Variants in CREB5 observed in about 807,000 individuals in gnomAD.
CREB5 encodes the protein cAMP responsive element binding protein 5.
Under a neutral mutation model 57.1 loss-of-function variants are expected in CREB5, and 19 were observed. The ratio of observed to expected loss-of-function variants is 0.33; its 90% confidence interval spans 0.23 to 0.49. The LOEUF (loss-of-function observed/expected upper bound fraction) is 0.49, where lower values mean the gene tolerates loss of function less well. Among genes scored for constraint, CREB5 ranks in the 20% least tolerant of loss-of-function variants. CREB5 has a pLI of 0.99. For missense variants in CREB5, 579 were observed against 671.6 expected, an observed-to-expected ratio of 0.86 and a Z score of 1.52; for synonymous variants, 238 against 238.3, an observed-to-expected ratio of 1.00 and a Z score of 0.01.
chr7:28,347,818 G>A (rs1313708987), intron 1 of CREB5, among the ~76,000 whole-genome samples: 3 of 152,152 alleles, frequency 2.0e-5, no homozygotes, highest in Admixed American at 6.5e-5. Context: ...TTTAAAAAAC[G>A]TGGTTATTTC....
At chr7:28,415,867 C>A (rs1788004135) in intron 1 of CREB5, among the ~76,000 whole-genome samples, 1 of 152,118 alleles carries the variant, frequency 6.6e-6, no homozygotes, top group Non-Finnish European at 1.5e-5. Flanking sequence ...GAAGGTGTAC[C>A]TTTGCCTAGG....
At chr7:28,414,834 G>A (rs1787964152) in intron 1 of CREB5, among the ~76,000 whole-genome samples, 2 of 151,758 alleles carry the variant, frequency 1.3e-5, no homozygotes, top group African/African-American at 2.4e-5. Context: ...TCCAGATAGT[G>A]ATAGCACTCT....
intron 5 of CREB5, among the ~76,000 whole-genome samples, chr7:28,679,396 CA>C (rs1156866827): frequency 6.6e-6 from 1 of 152,112 alleles, no homozygotes; most frequent in South Asian, 2.1e-4. Context: ...CCTTGGAAAC[CA>C]GTGGCTTAGG....
At chr7:28,308,835 T>C (rs765434614) in intron 1 of CREB5, among the ~76,000 whole-genome samples, 1 of 152,242 alleles carries the variant, frequency 6.6e-6, no homozygotes, top group Non-Finnish European at 1.5e-5. Flanking sequence ...GTTAATTTTA[T>C]ATGTCCATTT....
chr7:28,527,808 A>T (rs976907508), intron 4 of CREB5, among the ~76,000 whole-genome samples: 1 of 152,102 alleles, frequency 6.6e-6, no homozygotes, highest in Admixed American at 6.5e-5. Flanking sequence ...ACAGAGAGAG[A>T]TCCTGTCTCA....
intron 1 of CREB5, among the ~76,000 whole-genome samples, chr7:28,474,070 A>G (rs1790950688): frequency 6.6e-6 from 1 of 152,110 alleles, no homozygotes; most frequent in Admixed American, 6.6e-5. Context: ...GCTGATACCG[A>G]GCAAATTCTC....
intron 4 of CREB5, among the ~76,000 whole-genome samples, chr7:28,561,520 A>C (rs1242281539): frequency 6.6e-6 from 1 of 152,206 alleles, no homozygotes; most frequent in African/African-American, 2.4e-5. Context: ...GTATTACCTG[A>C]TTTAATCTTT....
At chr7:28,705,356 C>G (rs1330165502) in intron 5 of CREB5, among the ~76,000 whole-genome samples, 1 of 127,526 alleles carries the variant, frequency 7.8e-6, no homozygotes, top group East Asian at 2.1e-4. Context: ...CAGAGTGAGA[C>G]TCTGACTCAA....
At chr7:28,805,286 C>T (rs1808645486) in intron 8 of CREB5, among the ~76,000 whole-genome samples, 1 of 152,050 alleles carries the variant, frequency 6.6e-6, no homozygotes, top group Non-Finnish European at 1.5e-5. Context: ...TTATGTCACC[C>T]ACGGCCAAGA....
chr7:28,769,242 G>A (rs1806188982), intron 7 of CREB5, among the ~76,000 whole-genome samples: 1 of 152,208 alleles, frequency 6.6e-6, no homozygotes, highest in Non-Finnish European at 1.5e-5. Context: ...AACCTCTAGT[G>A]CTTGTAAAAA....
chr7:28,618,188 A>C (rs1797665768), intron 5 of CREB5, among the ~76,000 whole-genome samples: 1 of 152,162 alleles, frequency 6.6e-6, no homozygotes, highest in African/African-American at 2.4e-5. Context: ...TGAGCCAGGA[A>C]AGGTTGTTGG....
chr7:28,797,931 C>T (rs1023803054), intron 7 of CREB5, among the ~76,000 whole-genome samples: 48 of 148,684 alleles, frequency 3.2e-4, no homozygotes, highest in Non-Finnish European at 3.4e-4. Context: ...GTGTTGACTG[C>T]TTTTGTGGAT....
At chr7:28,756,824 G>C (rs2128767046) in intron 7 of CREB5, among the ~76,000 whole-genome samples, 1 of 152,284 alleles carries the variant, frequency 6.6e-6, no homozygotes, top group East Asian at 1.9e-4. Flanking sequence ...ATTGGAAATT[G>C]ACAACAGCAG....
rs749562958 is a variant in CREB5, at chr7:28,819,204, G to C, written c.1452G>C (p.Ser484=). ...IQHNTITTSS[S]VSEVVGSSTL... is the part of the protein sequence containing the mutation. The stretch of plus-strand genomic sequence containing the variant: ...ATAATACCATCACTACTTCCTCATC[G>C]GTCAGCGAGGTGGTAGGAAGCTCCA... Residue 484 remains serine, a synonymous_variant, in exon 11 of 11, where the codon TCG becomes TCC. Coordinates refer to ENST00000357727, the MANE Select transcript of CREB5 (RefSeq NM_182898.4). 4 of 1,613,688 alleles carry C rather than the reference G, an allele frequency of 2.5e-6. 1 individual carries two copies. The East Asian group carries it at 6.7e-5, about 27-fold the overall frequency.
chr7:28,341,296 A>G (rs1484247133), intron 1 of CREB5, among the ~76,000 whole-genome samples: 2 of 152,134 alleles, frequency 1.3e-5, no homozygotes, highest in Non-Finnish European at 2.9e-5. Flanking sequence ...ATAATATTTT[A>G]TATTTATCTC....
intron 4 of CREB5, among the ~76,000 whole-genome samples, chr7:28,545,987 G>A (rs374747012): frequency 7.9e-5 from 12 of 151,976 alleles, no homozygotes; most frequent in Admixed American, 5.9e-4. Context: ...TTCTACAATC[G>A]ATCTTGGAAC....
At chr7:28,802,078 G>GGAAAAAAA (rs1554301239) in intron 7 of CREB5, among the ~76,000 whole-genome samples, 1 of 26,638 alleles carries the variant, frequency 3.8e-5, no homozygotes. Flanking sequence ...GACTCCATCT[G>GGAAAAAAA]AAAAAAAAAA....
chr7:28,737,882 A>T (rs1804119086), intron 7 of CREB5, among the ~76,000 whole-genome samples: 1 of 152,090 alleles, frequency 6.6e-6, no homozygotes, highest in Non-Finnish European at 1.5e-5. Flanking sequence ...ATTAATTGAA[A>T]TATGAAAAAG....
chr7:28,751,688 T>C (rs1341042305), intron 7 of CREB5, among the ~76,000 whole-genome samples: 1 of 152,252 alleles, frequency 6.6e-6, no homozygotes, highest in East Asian at 1.9e-4. Flanking sequence ...CTTCCTCTAA[T>C]GTTAACATCT....
Sources: gnomAD v4.1 joint callset for allele counts (sites outside exome capture counted in the v4.1 genomes callset) on GRCh38, gnomAD v4.1.1 for gene constraint, MANE v1.5 for transcripts, NCBI Gene and HGNC (gene_info 2026-07-23, HGNC 2026-07-21) for gene names.